Variants in ZNF37A observed in about 807,000 individuals in gnomAD.
ZNF37A encodes the protein zinc finger protein 37a (KOX 21).
Under a neutral mutation model 12.3 loss-of-function variants are expected in ZNF37A, and 10 were observed. That is an observed-to-expected ratio of 0.82 (90% confidence interval 0.50 to 1.38). The LOEUF (loss-of-function observed/expected upper bound fraction) is 1.38, where lower values mean the gene tolerates loss of function less well. Among genes scored for constraint, ZNF37A ranks in the 40% most tolerant of loss-of-function variants. The pLI is 0.00. For synonymous variants in ZNF37A, 207 were observed against 223.0 expected (o/e 0.93, Z 0.64); for missense variants, 580 against 651.2 (o/e 0.89, Z 1.19).
intron 5 of ZNF37A, among the ~76,000 whole-genome samples, chr10:38,101,139 A>G (rs1014235395): frequency 1.3e-5 from 2 of 152,138 alleles, no homozygotes; most frequent in African/African-American, 2.4e-5. Context: ...TTGCCTTTTC[A>G]TTCAGTTAAC....
intron 5 of ZNF37A, among the ~76,000 whole-genome samples, chr10:38,102,322 AT>A (rs1282463625): frequency 1.3e-5 from 2 of 151,322 alleles, no homozygotes; most frequent in Non-Finnish European, 2.9e-5. Context: ...TTCCTTTTGT[AT>A]TTCTTTGTAT....
intron 2 of ZNF37A, 84 bp from the exon 3 acceptor site, chr10:38,095,454 A>C (rs1433884489): frequency 6.6e-6 from 1 of 152,330 alleles, no homozygotes; most frequent in African/African-American, 2.4e-5. Flanking sequence ...GGGAGTTGTG[A>C]AGGCATCATG....
downstream of ZNF37A, among the ~76,000 whole-genome samples, chr10:38,125,725 G>T (rs936270341): frequency 2.0e-5 from 3 of 152,036 alleles, no homozygotes; most frequent in African/African-American, 4.8e-5. Flanking sequence ...GGGCTTTTTT[G>T]GGGAATAAAC....
At chr10:38,115,647 A>C (rs1208768963) in intron 7 of ZNF37A, 1 of 158,242 alleles carries the variant, frequency 6.3e-6, no homozygotes, top group East Asian at 1.8e-4. Flanking sequence ...TACTCTTCCC[A>C]GTAAAGAGCA....
intron 7 of ZNF37A, among the ~76,000 whole-genome samples, chr10:38,134,728 C>A (rs1252986141): frequency 2.0e-5 from 3 of 152,166 alleles, no homozygotes; most frequent in African/African-American, 4.8e-5. Context: ...CCCAGTTAGG[C>A]CACTCAGGGG....
intron 5 of ZNF37A, among the ~76,000 whole-genome samples, chr10:38,106,231 C>T (rs2068072081): frequency 6.6e-6 from 1 of 152,170 alleles, no homozygotes; most frequent in Non-Finnish European, 1.5e-5. Context: ...CAGCAAACTC[C>T]AGCAGACCTG....
chr10:38,117,139 A>AACC (rs1431297558), intron 7 of ZNF37A: 4 of 982,236 alleles, frequency 4.1e-6, no homozygotes, highest in Non-Finnish European at 4.8e-6. Context: ...CACCAACAAC[A>AACC]ACCAAGAACA....
chr10:38,134,895 G>A lies in ZNF37A; in HGVS notation c.239-11837G>A, dbSNP rs181301994. 9.1e-4 allele frequency among the ~76,000 whole-genome samples: 138 copies of A among 152,246 alleles called. 1 individual carries two copies. The Middle Eastern group carries it at 0.024, about 26-fold the overall frequency. ...TTCCTGTTGCTTGTTTTTGATATGC[G>A]TTATAAGTTTTTGTTCCTTACTTCC... On this transcript the variant is annotated intron_variant, in intron 7 of 7. Transcript: ENST00000638053.
At chr10:38,114,113 T>A (rs1430919691) in intron 5 of ZNF37A, among the ~76,000 whole-genome samples, 1 of 152,222 alleles carries the variant, frequency 6.6e-6, no homozygotes, top group Non-Finnish European at 1.5e-5. Flanking sequence ...GATAAATATT[T>A]GGAGAACACT....
chr10:38,144,731 A>C (rs1459877309), intron 7 of ZNF37A, among the ~76,000 whole-genome samples: 1 of 152,074 alleles, frequency 6.6e-6, no homozygotes, highest in Non-Finnish European at 1.5e-5. Context: ...GAAGTTGAAA[A>C]AATTCAATAA....
At position 38,098,854 on chromosome 10, in the gene ZNF37A, T is replaced by C. The variant is rs1007687443; in HGVS notation, c.15+2222T>C. On this transcript the variant is annotated intron_variant, in intron 5 of 7. Transcript: ENST00000685332. ...AAATTTTTTTGTTTAAATGCTATTA[T>C]AAGTGGAATTGTTAATTTGCTTTTT... Among the ~76,000 whole-genome samples, 9 of 152,074 alleles carry C rather than the reference T, an allele frequency of 5.9e-5. 1 individual carries two copies. Among genetic ancestry groups the C allele is most frequent in the Admixed American group, 5.9e-4 (9 of 15,252 alleles).
At chr10:38,136,214 G>A (rs1590945920) in intron 7 of ZNF37A, among the ~76,000 whole-genome samples, 3 of 152,036 alleles carry the variant, frequency 2.0e-5, no homozygotes, top group Admixed American at 2.0e-4. Context: ...TGCCATCTTT[G>A]CTCACTGCAA....
At position 38,119,485 on chromosome 10, in the gene ZNF37A, C is replaced by A; in HGVS notation, c.*648C>A. 1.3e-6 allele frequency: 1 copy of A among 783,620 alleles called. No individual in the cohort carries two copies. Among genetic ancestry groups the A allele is most frequent in the Non-Finnish European group, 1.5e-6 (1 of 645,950 alleles). The allele number at this position is 783,620 out of a possible 1,614,324, so 48.5% of individuals were successfully genotyped here. On this transcript the variant is annotated 3_prime_UTR_variant, in exon 8 of 8. Coordinates refer to ENST00000685332, the MANE Select transcript of ZNF37A (RefSeq NM_001324250.3). ...GTAGAGAAAGTATTTTTAACTGTAT[C>A]CAATGTGTGGATGTTTTAAGTTAAA...
rs2069458869 is a variant in ZNF37A, at chr10:38,118,352, C to T, written c.1201C>T (p.His401Tyr). The change falls in exon 8 of 8, where the codon CAT becomes TAT. Residue 401 changes from histidine to tyrosine, a missense_variant. Transcript: ENST00000685332. ...AFLRKSDLIK[H>Y]QRIHTGEKPY... ...TCTCAGAAAATCAGACCTCATTAAACATCAAAGAATACACACAGGTGAAAA... is the reference window on the plus strand; with the variant it reads ...TCTCAGAAAATCAGACCTCATTAAATATCAAAGAATACACACAGGTGAAAA... 6.2e-7 allele frequency: 1 copy of T among 1,613,802 alleles called. No homozygotes were observed. Among genetic ancestry groups the T allele is most frequent in the Non-Finnish European group, 8.5e-7 (1 of 1,179,978 alleles).
At chr10:38,106,612 A>T (rs1359787647) in intron 5 of ZNF37A, among the ~76,000 whole-genome samples, 1 of 152,168 alleles carries the variant, frequency 6.6e-6, no homozygotes, top group Admixed American at 6.5e-5. Flanking sequence ...TCTTGATAAA[A>T]GGATAGACAA....
In ZNF37A at chr10:38,115,187, A is replaced by G. The variant is rs1441437213; in HGVS notation, c.143-8A>G. The G allele has an allele frequency of 2.8e-5, 45 of 1,611,780 alleles. No homozygotes were observed. The highest frequency in any genetic ancestry group is 3.8e-5 in the Non-Finnish European group (45 of 1,179,324). On this transcript the variant is annotated splice_polypyrimidine_tract_variant and splice_region_variant and intron_variant, in intron 6 of 7. Coordinates refer to ENST00000685332, the MANE Select transcript of ZNF37A (RefSeq NM_001324250.3). ...GTTTGTCCCAAGTAATACAATTCTC[A>G]TTCACAGGGTATTGCATTCCTAAAC... is the stretch of plus-strand genomic sequence containing the variant.
At chr10:38,134,291 A>G (rs2070075267) in intron 7 of ZNF37A, among the ~76,000 whole-genome samples, 1 of 152,080 alleles carries the variant, frequency 6.6e-6, no homozygotes, top group Admixed American at 6.5e-5. Context: ...TCTTCTCTCA[A>G]CTCATCAAAG....
chr10:38,101,694 C>T (rs1191256498), intron 5 of ZNF37A, among the ~76,000 whole-genome samples: 1 of 151,336 alleles, frequency 6.6e-6, no homozygotes, highest in Non-Finnish European at 1.5e-5. Context: ...GGTTACTATC[C>T]TCTTCTGTCA....
In ZNF37A at chr10:38,114,739, A is replaced by C. The variant is rs757835213; in HGVS notation, c.16-16A>C. On this transcript the variant is annotated splice_polypyrimidine_tract_variant and intron_variant, in intron 5 of 7. Coordinates refer to ENST00000685332, the MANE Select transcript of ZNF37A (RefSeq NM_001324250.3). ...ATTCTTATCACTTCAGACTGAGCAA[A>C]ATTGTGATTTTCCAGGGATCAGTGT... 3 of 1,613,924 alleles carry C rather than the reference A, an allele frequency of 1.9e-6. No homozygotes were observed. The East Asian group carries it at 6.7e-5, about 36-fold the overall frequency.
Sources: gnomAD v4.1 joint callset for allele counts (sites outside exome capture counted in the v4.1 genomes callset) on GRCh38, gnomAD v4.1.1 for gene constraint, MANE v1.5 for transcripts, NCBI Gene and HGNC (gene_info 2026-07-23, HGNC 2026-07-21) for gene names.